Variants in PLCL1 observed in about 807,000 individuals in gnomAD.
The protein encoded by PLCL1 is phospholipase C like 1 (inactive), also known as inactive phospholipase C-like protein 1.
PLCL1 carries 41 observed loss-of-function variants against 84.4 expected under a neutral mutation model. That is an observed-to-expected ratio of 0.49 (90% CI 0.38 to 0.63). The LOEUF (loss-of-function observed/expected upper bound fraction) is 0.63. Ranked by LOEUF, PLCL1 falls within the 30% of genes least tolerant of loss-of-function variation. The probability of loss-of-function intolerance (pLI) is 0.00; values close to 1 mark genes in which losing one functional copy is unlikely to be tolerated. For missense variants in PLCL1, 1,206 were observed against 1,367.8 expected, an observed-to-expected ratio of 0.88 and a Z score of 1.87; for synonymous variants, 490 against 488.3, an observed-to-expected ratio of 1.00 and a Z score of -0.05.
At chr2:198,010,399 T>A (rs1460880540) in intron 1 of PLCL1, among the ~76,000 whole-genome samples, 1 of 152,038 alleles carries the variant, frequency 6.6e-6, no homozygotes, top group Non-Finnish European at 1.5e-5. Flanking sequence ...TTATCAAATG[T>A]CTTTTCTGCA....
At chr2:197,966,123 A>G (rs1352951616) in intron 1 of PLCL1, among the ~76,000 whole-genome samples, 2 of 151,856 alleles carry the variant, frequency 1.3e-5, no homozygotes, top group African/African-American at 2.4e-5. Context: ...CTATCCTACT[A>G]TGGCTGAGCT....
intron 1 of PLCL1, among the ~76,000 whole-genome samples, chr2:198,039,776 A>T (rs1691618068): frequency 6.6e-6 from 1 of 152,232 alleles, no homozygotes; most frequent in South Asian, 2.1e-4. Flanking sequence ...GGCTCACTGA[A>T]CATCTATGAG....
At chr2:197,806,299 TACAC>T (rs766071133) in intron 1 of PLCL1, among the ~76,000 whole-genome samples, 2 of 151,900 alleles carry the variant, frequency 1.3e-5, no homozygotes, top group African/African-American at 2.4e-5. Flanking sequence ...TGTGTGTACA[TACAC>T]ACACACACAT....
At position 198,084,828 on chromosome 2, in the gene PLCL1, G is replaced by C; in HGVS notation, c.1311G>C (p.Met437Ile). Residue 437 changes from methionine (M) to isoleucine (I), a missense_variant, in exon 2 of 6, where the codon ATG (methionine) becomes ATC (isoleucine). Met to Ile is a conservative substitution (Grantham distance 10). Coordinates refer to ENST00000428675, the MANE Select transcript of PLCL1 (RefSeq NM_006226.4). Reference sequence around the variant, plus strand: ...ATGGGTACATTAGAGCTTTGAAAATGGGCTGTCGAAGCGTTGAACTCGATG... The same window carrying C: ...ATGGGTACATTAGAGCTTTGAAAATCGGCTGTCGAAGCGTTGAACTCGATG... ...DINGYIRALK[M>I]GCRSVELDVS... is the part of the protein sequence containing the mutation. 6.2e-7 allele frequency: 1 copy of C among 1,613,964 alleles called. No homozygotes were observed. The highest frequency in any genetic ancestry group is 8.5e-7 in the Non-Finnish European group (1 of 1,179,942).
chr2:197,849,593 A>G (rs924788926), intron 1 of PLCL1, among the ~76,000 whole-genome samples: 3 of 152,238 alleles, frequency 2.0e-5, no homozygotes, highest in Non-Finnish European at 4.4e-5. Context: ...CCTGCTTACA[A>G]AAGCAGTACA....
At chr2:197,953,057 G>T (rs900249729) in intron 1 of PLCL1, among the ~76,000 whole-genome samples, 3 of 152,182 alleles carry the variant, frequency 2.0e-5, no homozygotes, top group African/African-American at 7.2e-5. Flanking sequence ...TATAGCTGGT[G>T]CCTCCACACT....
At chr2:198,128,251 T>C (rs1173365526) in intron 5 of PLCL1, among the ~76,000 whole-genome samples, 1 of 152,154 alleles carries the variant, frequency 6.6e-6, no homozygotes, top group Admixed American at 6.6e-5. Context: ...GGGAACCTGA[T>C]GGTGTAACCA....
At chr2:197,825,513 G>T (rs1236126678) in intron 1 of PLCL1, among the ~76,000 whole-genome samples, 7 of 152,112 alleles carry the variant, frequency 4.6e-5, no homozygotes, top group Admixed American at 4.6e-4. Context: ...GACTTTTCTT[G>T]CATCTTCTGT....
intron 5 of PLCL1, among the ~76,000 whole-genome samples, chr2:198,130,351 T>G (rs956483113): frequency 6.6e-6 from 1 of 152,158 alleles, no homozygotes; most frequent in African/African-American, 2.4e-5. Context: ...TGGTATTTCT[T>G]AGGGTTCTAG....
intron 1 of PLCL1, among the ~76,000 whole-genome samples, chr2:197,932,124 C>A (rs558407431): frequency 1.4e-4 from 22 of 152,128 alleles, no homozygotes; most frequent in Non-Finnish European, 2.5e-4. Context: ...TGGGTCATTG[C>A]TACTCATATT....
chr2:197,915,608 A>G (rs1688581875), intron 1 of PLCL1, among the ~76,000 whole-genome samples: 1 of 151,292 alleles, frequency 6.6e-6, no homozygotes, highest in South Asian at 2.1e-4. Flanking sequence ...GAAGGTGGAG[A>G]TCTTTCTTCT....
chr2:198,004,724 A>T (rs962189834), intron 1 of PLCL1, among the ~76,000 whole-genome samples: 4 of 152,264 alleles, frequency 2.6e-5, no homozygotes, highest in South Asian at 2.1e-4. Flanking sequence ...ATATTCCAAC[A>T]TTGAAAACCT....
intron 1 of PLCL1, among the ~76,000 whole-genome samples, chr2:197,903,632 C>A (rs1394810219): frequency 7.0e-6 from 1 of 143,168 alleles, no homozygotes; most frequent in Non-Finnish European, 1.5e-5. Flanking sequence ...TACAGGTGCC[C>A]GCCACCACGC....
chr2:198,034,450 C>A (rs776767083), intron 1 of PLCL1, among the ~76,000 whole-genome samples: 17 of 152,124 alleles, frequency 1.1e-4, no homozygotes, highest in Non-Finnish European at 2.5e-4. Context: ...GCACTATTCA[C>A]AATAACAAAG....
intron 1 of PLCL1, among the ~76,000 whole-genome samples, chr2:197,837,767 A>T (rs1691220597): frequency 6.6e-6 from 1 of 152,228 alleles, no homozygotes; most frequent in Admixed American, 6.5e-5. Flanking sequence ...TTTATTACAA[A>T]AGCTATGTTA....
intron 3 of PLCL1, among the ~76,000 whole-genome samples, chr2:198,093,580 G>C (rs1239266870): frequency 6.6e-6 from 1 of 152,122 alleles, no homozygotes; most frequent in Non-Finnish European, 1.5e-5. Flanking sequence ...GTGGGGAGAA[G>C]GTATTCCAAA....
At chr2:198,116,141 T>A (rs1006747306) in intron 5 of PLCL1, among the ~76,000 whole-genome samples, 1 of 151,444 alleles carries the variant, frequency 6.6e-6, no homozygotes, top group Non-Finnish European at 1.5e-5. Context: ...GCTACTTTTT[T>A]AAAGTCATAT....
intron 1 of PLCL1, among the ~76,000 whole-genome samples, chr2:198,069,514 A>G (rs1384023815): frequency 6.6e-6 from 1 of 152,098 alleles, no homozygotes; most frequent in Non-Finnish European, 1.5e-5. Context: ...ACTAGAATTG[A>G]GTGTTAATAT....
chr2:198,087,729 T>A (rs1170989025), intron 2 of PLCL1, among the ~76,000 whole-genome samples: 1 of 152,188 alleles, frequency 6.6e-6, no homozygotes, highest in Non-Finnish European at 1.5e-5. Flanking sequence ...AGGTGATGCA[T>A]ACCCCATTCT....
Sources: gnomAD v4.1 joint callset for allele counts (sites outside exome capture counted in the v4.1 genomes callset) on GRCh38, gnomAD v4.1.1 for gene constraint, MANE v1.5 for transcripts, NCBI Gene and HGNC (gene_info 2026-07-23, HGNC 2026-07-21) for gene names.